Variants in KCNN2 observed in about 807,000 individuals in gnomAD.
The protein encoded by KCNN2 is potassium calcium-activated channel subfamily N member 2, also known as small conductance calcium-activated potassium channel protein 2.
In KCNN2, 24 loss-of-function variants were observed where a neutral mutation model predicts 55.5. The ratio of observed to expected loss-of-function variants is 0.43; its 90% CI spans 0.31 to 0.61. The LOEUF (loss-of-function observed/expected upper bound fraction) is 0.61. Among genes scored for constraint, KCNN2 ranks in the 20% least tolerant of loss-of-function variants. The probability of loss-of-function intolerance (pLI) is 0.08; values close to 1 mark genes in which losing one functional copy is unlikely to be tolerated. For synonymous variants in KCNN2, 431 were observed against 336.1 expected (o/e 1.28, Z -3.09); for missense variants, 754 against 853.6 (o/e 0.88, Z 1.45).
At chr5:114,210,972 A>G (rs2112581954) in intron 1 of KCNN2, among the ~76,000 whole-genome samples, 1 of 152,290 alleles carries the variant, frequency 6.6e-6, no homozygotes, top group South Asian at 2.1e-4. Context: ...AAAGCTCAAT[A>G]TCACTGATCA....
intron 2 of KCNN2, among the ~76,000 whole-genome samples, chr5:114,237,311 C>A (rs1372127201): frequency 8.3e-6 from 1 of 120,018 alleles, no homozygotes. Context: ...CACTCACACA[C>A]CCCACAGAAA....
chr5:114,168,467 C>G (rs1268740734), intron 1 of KCNN2, among the ~76,000 whole-genome samples: 2 of 152,050 alleles, frequency 1.3e-5, no homozygotes, highest in African/African-American at 2.4e-5. Context: ...AAATCATAAG[C>G]CTGTTTCTCA....
intron 1 of KCNN2, among the ~76,000 whole-genome samples, chr5:114,177,109 T>G (rs1464477311): frequency 1.3e-5 from 2 of 151,632 alleles, no homozygotes; most frequent in African/African-American, 2.4e-5. Flanking sequence ...TATCAAGTGT[T>G]GGATAATAAC....
intron 3 of KCNN2, among the ~76,000 whole-genome samples, chr5:114,406,076 A>G (rs1758923737): frequency 6.6e-6 from 1 of 151,146 alleles, no homozygotes; most frequent in Non-Finnish European, 1.5e-5. Flanking sequence ...TCAAGGAAGA[A>G]AAACAGCTAT....
At chr5:114,200,332 T>A (rs1225602901) in intron 1 of KCNN2, among the ~76,000 whole-genome samples, 1 of 152,128 alleles carries the variant, frequency 6.6e-6, no homozygotes, top group Admixed American at 6.5e-5. Context: ...CCTCAATGAA[T>A]TTTTTACTTT....
intron 2 of KCNN2, among the ~76,000 whole-genome samples, chr5:114,319,475 T>C (rs1561569526): frequency 6.6e-6 from 1 of 152,170 alleles, no homozygotes; most frequent in Admixed American, 6.5e-5. Context: ...CTGTCATATA[T>C]AGCAATTTAG....
chr5:114,286,098 T>C (rs1370335348), intron 2 of KCNN2, among the ~76,000 whole-genome samples: 5 of 152,080 alleles, frequency 3.3e-5, no homozygotes, highest in Admixed American at 6.5e-5. Flanking sequence ...TTTGTATTTT[T>C]AGTAGAGACA....
intron 1 of KCNN2, among the ~76,000 whole-genome samples, chr5:114,074,767 A>G (rs1750653336): frequency 6.6e-6 from 1 of 152,236 alleles, no homozygotes; most frequent in Non-Finnish European, 1.5e-5. Context: ...ACATTGTCAG[A>G]ATTAAAAATA....
chr5:114,099,782 G>A (rs1316925498), intron 1 of KCNN2, among the ~76,000 whole-genome samples: 1 of 152,052 alleles, frequency 6.6e-6, no homozygotes, highest in Non-Finnish European at 1.5e-5. Context: ...CAAAAAGACT[G>A]TCTATATAAT....
chr5:114,069,297 T>C (rs532228918), intron 1 of KCNN2, among the ~76,000 whole-genome samples: 7 of 152,300 alleles, frequency 4.6e-5, no homozygotes, highest in Admixed American at 3.9e-4. Flanking sequence ...CTTGCTTTAC[T>C]GGGATTATGT....
At chr5:114,197,000 A>G (rs187112346) in intron 1 of KCNN2, among the ~76,000 whole-genome samples, 1 of 152,244 alleles carries the variant, frequency 6.6e-6, no homozygotes, top group Non-Finnish European at 1.5e-5. Flanking sequence ...CACTTTAAGC[A>G]CAGACTTAGC....
At chr5:114,490,083 CGTGAA>C (rs1029269635) in intron 6 of KCNN2, among the ~76,000 whole-genome samples, 50 of 152,280 alleles carry the variant, frequency 3.3e-4, no homozygotes, top group African/African-American at 1.2e-3. Context: ...CACTTAGTGT[CGTGAA>C]GTGTTCTCTT....
At chr5:114,153,334 A>T (rs1285704525) in intron 1 of KCNN2, among the ~76,000 whole-genome samples, 2 of 152,150 alleles carry the variant, frequency 1.3e-5, no homozygotes, top group East Asian at 3.9e-4. Context: ...GCTGACCTCC[A>T]TGGAATAATC....
At chr5:114,128,152 A>G (rs1402745661) in intron 1 of KCNN2, among the ~76,000 whole-genome samples, 2 of 151,942 alleles carry the variant, frequency 1.3e-5, no homozygotes, top group Non-Finnish European at 2.9e-5. Context: ...GCACCCCACT[A>G]CCTGGTACCA....
intron 1 of KCNN2, among the ~76,000 whole-genome samples, chr5:114,195,216 CG>C (rs930993297): frequency 9.6e-4 from 142 of 147,504 alleles, no homozygotes; most frequent in African/African-American, 3.0e-3. Context: ...TGATTTCTGC[CG>C]AAAAAAAAAA....
chr5:114,487,431 T>G (rs1289022023), intron 6 of KCNN2, among the ~76,000 whole-genome samples: 4 of 152,182 alleles, frequency 2.6e-5, no homozygotes, highest in Non-Finnish European at 5.9e-5. Flanking sequence ...TAGAATAACT[T>G]CTGCTGAAAT....
At chr5:114,394,561 A>G (rs1758561661) in intron 2 of KCNN2, among the ~76,000 whole-genome samples, 1 of 152,192 alleles carries the variant, frequency 6.6e-6, no homozygotes, top group South Asian at 2.1e-4. Context: ...TTGTGTCAAA[A>G]AGGCCTTCCT....
At chr5:114,214,721 G>A (rs1341251885) in intron 1 of KCNN2, among the ~76,000 whole-genome samples, 3 of 151,972 alleles carry the variant, frequency 2.0e-5, no homozygotes, top group South Asian at 4.1e-4. Context: ...TGGATTAATG[G>A]GACCATAATC....
chr5:114,127,125 A>G (rs898004795), intron 1 of KCNN2, among the ~76,000 whole-genome samples: 1 of 152,102 alleles, frequency 6.6e-6, no homozygotes, highest in African/African-American at 2.4e-5. Flanking sequence ...TTCCAGGTGC[A>G]TGGTGCAAGC....
Sources: gnomAD v4.1 joint callset for allele counts (sites outside exome capture counted in the v4.1 genomes callset) on GRCh38, gnomAD v4.1.1 for gene constraint, MANE v1.5 for transcripts, NCBI Gene and HGNC (gene_info 2026-07-23, HGNC 2026-07-21) for gene names.